Variants in NRXN3 observed in about 807,000 individuals in gnomAD.
NRXN3 encodes the protein neurexin 3.
NRXN3 carries 32 observed loss-of-function variants against 137.6 expected under a neutral mutation model. The ratio of observed to expected loss-of-function variants is 0.23; its 90% CI spans 0.18 to 0.31. NRXN3 has a LOEUF of 0.31. Among genes scored for constraint, NRXN3 ranks in the 10% least tolerant of loss-of-function variants. The probability of loss-of-function intolerance (pLI) is 1.00; values close to 1 mark genes in which losing one functional copy is unlikely to be tolerated. For synonymous variants in NRXN3, 798 were observed against 784.5 expected, an observed-to-expected ratio of 1.02 and a Z score of -0.29; for missense variants, 1,574 against 2,062.5, an observed-to-expected ratio of 0.76 and a Z score of 4.59.
intron 19 of NRXN3, among the ~76,000 whole-genome samples, chr14:79,740,767 T>TATATAA (rs2098960421): frequency 9.1e-6 from 1 of 110,428 alleles, no homozygotes; most frequent in African/African-American, 3.5e-5. Flanking sequence ...TATATATATA[T>TATATAA]AACCTTACTT....
chr14:79,472,231 CT>C (rs1429019697), intron 16 of NRXN3, among the ~76,000 whole-genome samples: 1 of 152,124 alleles, frequency 6.6e-6, no homozygotes, highest in Non-Finnish European at 1.5e-5. Flanking sequence ...CTCAGATTGT[CT>C]TTCATTCTGG....
chr14:78,860,335 T>C (rs576138896), intron 10 of NRXN3, among the ~76,000 whole-genome samples: 1 of 152,294 alleles, frequency 6.6e-6, no homozygotes, highest in African/African-American at 2.4e-5. Flanking sequence ...TCTTAGATAG[T>C]AAATTCAGCA....
intron 15 of NRXN3, among the ~76,000 whole-genome samples, chr14:79,200,460 A>G (rs984893429): frequency 2.6e-5 from 4 of 152,152 alleles, no homozygotes; most frequent in African/African-American, 9.7e-5. Context: ...GGGTCTCAGA[A>G]CAGACAGAGG....
At chr14:79,848,203 T>C (rs2141644966) in intron 20 of NRXN3, among the ~76,000 whole-genome samples, 1 of 152,330 alleles carries the variant, frequency 6.6e-6, no homozygotes, top group South Asian at 2.1e-4. Flanking sequence ...AATATCTTCA[T>C]AAAGTCAAAC....
intron 20 of NRXN3, among the ~76,000 whole-genome samples, chr14:79,816,505 T>G (rs1053080140): frequency 1.3e-5 from 2 of 152,248 alleles, no homozygotes; most frequent in African/African-American, 4.8e-5. Context: ...TGACCATGTC[T>G]TCATGAGAAT....
chr14:78,683,384 C>G (rs147319550), intron 6 of NRXN3, among the ~76,000 whole-genome samples: 230 of 152,254 alleles, frequency 1.5e-3, no homozygotes, highest in African/African-American at 5.4e-3. Context: ...TCCGAATTAG[C>G]TTGTGGTCAG....
At chr14:78,581,204 G>T (rs2096991693) in intron 4 of NRXN3, among the ~76,000 whole-genome samples, 1 of 152,202 alleles carries the variant, frequency 6.6e-6, no homozygotes. Flanking sequence ...GTTGTAACTA[G>T]CTTGTCTTGC....
intron 15 of NRXN3, among the ~76,000 whole-genome samples, chr14:79,368,395 T>A (rs1294959875): frequency 6.6e-6 from 1 of 152,208 alleles, no homozygotes; most frequent in East Asian, 1.9e-4. Context: ...TGCTAAGTGT[T>A]GAGGCTAGAA....
intron 14 of NRXN3, among the ~76,000 whole-genome samples, chr14:78,983,323 C>A (rs528023735): frequency 3.3e-5 from 5 of 152,246 alleles, no homozygotes; most frequent in African/African-American, 1.2e-4. Context: ...GAAGGCAGTA[C>A]GCCAAAGAGA....
chr14:79,293,790 C>T (rs2083578213), intron 15 of NRXN3, among the ~76,000 whole-genome samples: 1 of 152,258 alleles, frequency 6.6e-6, no homozygotes, highest in Admixed American at 6.5e-5. Flanking sequence ...CCTGCTTTCT[C>T]TCTGCCCCAG....
intron 4 of NRXN3, among the ~76,000 whole-genome samples, chr14:78,467,588 A>G (rs2153725128): frequency 6.6e-6 from 1 of 152,312 alleles, no homozygotes; most frequent in East Asian, 1.9e-4. Context: ...CTTATTGTTT[A>G]TGCAGTGAAC....
At chr14:78,202,420 C>A (rs1467453184) in intron 1 of NRXN3, among the ~76,000 whole-genome samples, 1 of 152,160 alleles carries the variant, frequency 6.6e-6, no homozygotes, top group Non-Finnish European at 1.5e-5. Context: ...AATGGTGTGA[C>A]GTTTGTCAAG....
At chr14:78,376,337 C>T (rs774546159) in intron 4 of NRXN3, among the ~76,000 whole-genome samples, 3 of 152,184 alleles carry the variant, frequency 2.0e-5, no homozygotes, top group Admixed American at 1.3e-4. Context: ...ATGCATAATG[C>T]AAACCCACTG....
At chr14:79,829,897 A>G (rs915766232) in intron 20 of NRXN3, among the ~76,000 whole-genome samples, 3 of 152,156 alleles carry the variant, frequency 2.0e-5, no homozygotes, top group Non-Finnish European at 4.4e-5. Context: ...TTCACTCAAC[A>G]CACTCTGAAT....
At chr14:78,247,736 C>G (rs1596340362) in intron 2 of NRXN3, among the ~76,000 whole-genome samples, 1 of 152,214 alleles carries the variant, frequency 6.6e-6, no homozygotes, top group Non-Finnish European at 1.5e-5. Context: ...CTCACTCCCT[C>G]CAGAGAGCGG....
intron 4 of NRXN3, among the ~76,000 whole-genome samples, chr14:78,348,024 T>A (rs1339278284): frequency 2.6e-5 from 4 of 152,172 alleles, no homozygotes; most frequent in Non-Finnish European, 4.4e-5. Context: ...TCCCATTTTG[T>A]AGATGAGGAA....
intron 15 of NRXN3, among the ~76,000 whole-genome samples, chr14:79,264,749 T>C (rs2078188992): frequency 6.6e-6 from 1 of 152,130 alleles, no homozygotes; most frequent in Non-Finnish European, 1.5e-5. Context: ...CCCAAACTGA[T>C]AAACACATTG....
intron 15 of NRXN3, 151 bp from the exon 16 acceptor site, chr14:79,467,070 C>A: frequency 1.7e-6 from 1 of 602,236 alleles, no homozygotes; most frequent in East Asian, 3.1e-5. Context: ...CCTTCAGAAG[C>A]TTTGGGAGCC....
At chr14:78,841,721 A>G (rs986330308) in intron 10 of NRXN3, among the ~76,000 whole-genome samples, 8 of 152,238 alleles carry the variant, frequency 5.3e-5, no homozygotes, top group South Asian at 2.1e-4. Context: ...TTGGATATTC[A>G]TATCTTAAAA....
Sources: gnomAD v4.1 joint callset for allele counts (sites outside exome capture counted in the v4.1 genomes callset) on GRCh38, gnomAD v4.1.1 for gene constraint, MANE v1.5 for transcripts, NCBI Gene and HGNC (gene_info 2026-07-23, HGNC 2026-07-21) for gene names.